NTMT1: variants seen among roughly 807,000 people sequenced by gnomAD.
NTMT1 encodes the protein N-terminal Xaa-Pro-Lys N-methyltransferase 1, also known as N-terminal RCC1 methyltransferase.
Under a neutral mutation model 17.5 loss-of-function variants are expected in NTMT1, and 8 were observed. The observed-to-expected ratio is 0.46, with a 90% CI of 0.27 to 0.82. NTMT1 has a LOEUF of 0.82. Ranked by LOEUF, NTMT1 falls within the 40% of genes least tolerant of loss-of-function variation. The pLI, the probability that NTMT1 is intolerant of heterozygous loss-of-function variation, is 0.15. For synonymous variants in NTMT1, 128 were observed against 126.8 expected (o/e 1.01, Z -0.06); for missense variants, 221 against 303.5 (o/e 0.73, Z 2.02).
At chr9:129,633,362 G>A (rs1454775925) in intron 2 of NTMT1, 2 of 238,388 alleles carry the variant, frequency 8.4e-6, no homozygotes, top group African/African-American at 2.2e-5. Flanking sequence ...TCCATCCAGC[G>A]CCTCCCCTCC....
intron 1 of NTMT1, among the ~76,000 whole-genome samples, chr9:129,617,915 C>T (rs2118878565): frequency 1.3e-5 from 2 of 152,286 alleles, no homozygotes; most frequent in South Asian, 4.1e-4. Context: ...AACTCCTGGG[C>T]TCAAGCGATC....
intron 1 of NTMT1, among the ~76,000 whole-genome samples, chr9:129,610,316 C>A (rs1588105300): frequency 6.8e-6 from 1 of 146,034 alleles, no homozygotes; most frequent in African/African-American, 2.5e-5. Flanking sequence ...CCCCCACCGG[C>A]GTGGTGCCCC....
chr9:129,613,486 C>T lies in NTMT1; in HGVS notation c.-55+4308C>T. 6.2e-7 allele frequency: 1 copy of T among 1,614,170 alleles called. No homozygotes were observed. Among genetic ancestry groups the T allele is most frequent in the South Asian group, 1.1e-5 (1 of 91,088 alleles). On this transcript the variant is annotated intron_variant, in intron 1 of 3. Transcript: ENST00000372486. The surrounding 1 kb of genome is among the most constrained non-coding windows in gnomAD (Gnocchi z 6.2). Reference sequence around the variant, plus strand: ...GCTGGCCAGGGTCTCCTCCTTGGCCCCAGGGTACAGGGCTTTGGGCAAACT... The same window carrying T: ...GCTGGCCAGGGTCTCCTCCTTGGCCTCAGGGTACAGGGCTTTGGGCAAACT...
chr9:129,623,524 G>A (rs147784016), upstream of NTMT1, among the ~76,000 whole-genome samples: 2 of 152,300 alleles, frequency 1.3e-5, no homozygotes, highest in African/African-American at 4.8e-5. Context: ...GTGAAGCTGG[G>A]GTGGGAGACA....
In NTMT1 at chr9:129,613,380, G is replaced by C; in HGVS notation, c.-55+4202G>C. 8 of 1,597,824 alleles carry C rather than the reference G, an allele frequency of 5.0e-6. No individual in the cohort carries two copies. The South Asian group carries it at 8.9e-5, about 18-fold the overall frequency. ...GGGTGGGGAGGTCTGTAGGCAAGGG[G>C]GGTGGAGGGCCCTGGCAATGTCCAC... On this transcript the variant is annotated intron_variant, in intron 1 of 3. Transcript: ENST00000372486. This position sits in a 1 kb window ranked among gnomAD's most constrained non-coding sequence, Gnocchi z 6.2.
chr9:129,630,766 G>C (rs895799964), intron 1 of NTMT1, among the ~76,000 whole-genome samples: 2 of 152,264 alleles, frequency 1.3e-5, no homozygotes, highest in Non-Finnish European at 2.9e-5. Context: ...GTGCGAGGCG[G>C]TGAGCTGCAG....
intron 3 of NTMT1, 81 bp from the exon 4 acceptor site, chr9:129,635,127 G>A: frequency 6.6e-7 from 1 of 1,513,778 alleles, no homozygotes; most frequent in Non-Finnish European, 8.9e-7. Context: ...GAGGGGCTCA[G>A]CGGGGCTGAG....
upstream of NTMT1, among the ~76,000 whole-genome samples, chr9:129,622,827 C>T (rs574673098): frequency 2.6e-5 from 4 of 152,024 alleles, no homozygotes; most frequent in Non-Finnish European, 5.9e-5. Context: ...CAGGAGTTCG[C>T]AATCAGCCTG....
At chr9:129,629,828 A>G (rs1349206360) in intron 1 of NTMT1, among the ~76,000 whole-genome samples, 1 of 152,190 alleles carries the variant, frequency 6.6e-6, no homozygotes, top group Admixed American at 6.6e-5. Flanking sequence ...AGCCAGGTGC[A>G]GTGGCGTGCG....
chr9:129,632,515 T>C (rs949806510), intron 1 of NTMT1, 135 bp from the exon 2 acceptor site: 1 of 611,462 alleles, frequency 1.6e-6, no homozygotes, highest in Non-Finnish European at 2.8e-6. Context: ...AGAAGCAGAT[T>C]TGGGGACCCT....
At position 129,614,764 on chromosome 9, in the gene NTMT1, C is replaced by T. The variant is rs1259687557; in HGVS notation, c.-55+5586C>T. 3.9e-5 allele frequency among the ~76,000 whole-genome samples: 6 copies of T among 152,018 alleles called. No individual in the cohort carries two copies. The highest frequency in any genetic ancestry group is 1.3e-4 in the Admixed American group (2 of 15,256). On this transcript the variant is annotated intron_variant, in intron 1 of 3. Coordinates refer to the NTMT1 transcript ENST00000372486. This position sits in a 1 kb window ranked among gnomAD's most constrained non-coding sequence, Gnocchi z 4.4. ...CTAAAAATACAAAATTAGCCAGGGGCGGTGGCGCATGCCTGTAATCCCAGG... is the reference window on the plus strand; with the variant it reads ...CTAAAAATACAAAATTAGCCAGGGGTGGTGGCGCATGCCTGTAATCCCAGG...
intron 1 of NTMT1, among the ~76,000 whole-genome samples, 192 bp from the exon 2 acceptor site, chr9:129,632,458 C>T (rs1214630505): frequency 1.3e-5 from 2 of 152,138 alleles, no homozygotes; most frequent in African/African-American, 4.8e-5. Context: ...GGACTTGGGG[C>T]GGGTGCTCTG....
chr9:129,626,415 T>A (rs1184056988), intron 1 of NTMT1, 120 bp downstream of exon 1: 1 of 152,148 alleles, frequency 6.6e-6, no homozygotes, highest in Admixed American at 6.5e-5. Flanking sequence ...ACCCGGCGCG[T>A]GCGCGCGGGC....
chr9:129,632,049 T>A (rs1412202654), intron 1 of NTMT1, among the ~76,000 whole-genome samples: 1 of 152,154 alleles, frequency 6.6e-6, no homozygotes. Flanking sequence ...TCCCTGGCCC[T>A]CCAGGGTCTG....
intron 2 of NTMT1, 113 bp downstream of exon 2, chr9:129,632,978 C>G (rs781500843): frequency 8.2e-7 from 1 of 1,219,118 alleles, no homozygotes; most frequent in Non-Finnish European, 1.2e-6. Flanking sequence ...TTGGCTATCT[C>G]TTGGTACCTA....
At chr9:129,631,869 GCCCTC>G (rs1163019274) in intron 1 of NTMT1, among the ~76,000 whole-genome samples, 5 of 152,198 alleles carry the variant, frequency 3.3e-5, no homozygotes, top group African/African-American at 1.2e-4. Context: ...CTCCTCTGCA[GCCCTC>G]CCTGCAGGTG....
Position 129,614,998 on chromosome 9 carries a change from G to A in NTMT1, c.-55+5820G>A, listed in dbSNP as rs1830283579. Among the ~76,000 whole-genome samples, 1 of 152,210 alleles carries A rather than the reference G, an allele frequency of 6.6e-6. No individual in the cohort carries two copies. Among genetic ancestry groups the A allele is most frequent in the Non-Finnish European group, 1.5e-5 (1 of 68,028 alleles). On this transcript the variant is annotated intron_variant, in intron 1 of 3. Transcript: ENST00000372486. The surrounding 1 kb of genome is among the most constrained non-coding windows in gnomAD (Gnocchi z 4.4). ...GCTCTTAGCTTCCTTGCTGGACCTG[G>A]CAGTGCCAACTGTCTCCAGGAGAGA...
chr9:129,634,371 G>A (rs1458923471), intron 3 of NTMT1, 65 bp downstream of exon 3: 8 of 1,536,288 alleles, frequency 5.2e-6, no homozygotes, highest in Non-Finnish European at 7.0e-6. Context: ...TCCCCATAAG[G>A]TGTCAGGACC....
chr9:129,623,779 G>A (rs1411007503), upstream of NTMT1, among the ~76,000 whole-genome samples: 6 of 150,896 alleles, frequency 4.0e-5, no homozygotes, highest in Non-Finnish European at 7.4e-5. Flanking sequence ...TTTTTTAATG[G>A]CTGCGAAACA....
Sources: gnomAD v4.1 joint callset for allele counts (sites outside exome capture counted in the v4.1 genomes callset) on GRCh38, gnomAD v4.1.1 for gene constraint, Gnocchi (gnomAD v3.1) non-coding constraint, MANE v1.5 for transcripts, NCBI Gene and HGNC (gene_info 2026-07-23, HGNC 2026-07-21) for gene names.